The following ECE1 variants were observed in gnomAD, a reference collection of about 807,000 sequenced individuals.
The protein encoded by ECE1 is endothelin-converting enzyme 1.
Under a neutral mutation model 98.6 loss-of-function variants are expected in ECE1, and 35 were observed. That is an observed-to-expected ratio of 0.35 (90% CI 0.27 to 0.47). The LOEUF (loss-of-function observed/expected upper bound fraction) is 0.47, where lower values mean the gene tolerates loss of function less well. ECE1 is among the 20% of genes least tolerant of loss of function. ECE1 has a pLI of 1.00. For missense variants in ECE1, 814 were observed against 1,025.3 expected (o/e 0.79, Z 2.81); for synonymous variants, 394 against 407.1 (o/e 0.97, Z 0.39).
intron 1 of ECE1, among the ~76,000 whole-genome samples, chr1:21,330,226 CTTTTTTTTTTTTTTTT>C (rs71014186): frequency 4.4e-4 from 19 of 43,378 alleles, no homozygotes; most frequent in Non-Finnish European, 7.6e-4. Flanking sequence ...TCGCCAAATA[CTTTTTTTTTTTTTTTT>C]TTTTTTTTTT....
At chr1:21,239,964 A>G (rs1435391083) in intron 10 of ECE1, among the ~76,000 whole-genome samples, 1 of 152,092 alleles carries the variant, frequency 6.6e-6, no homozygotes, top group Non-Finnish European at 1.5e-5. Flanking sequence ...TGAGGTCAGG[A>G]GTTCAAGACC....
At chr1:21,306,378 C>T (rs1638598969) in intron 1 of ECE1, among the ~76,000 whole-genome samples, 1 of 151,206 alleles carries the variant, frequency 6.6e-6, no homozygotes, top group South Asian at 2.1e-4. Flanking sequence ...CTCTTGTTGC[C>T]CAGGCTGGAG....
Position 21,220,281 on chromosome 1 carries a change from GC to G in ECE1, c.2137-151del. 1 of 840,282 alleles carries G rather than the reference GC, an allele frequency of 1.2e-6. No homozygotes were observed. The highest frequency in any genetic ancestry group is 1.8e-6 in the Non-Finnish European group (1 of 555,280). 52.1% of individuals were successfully genotyped at this position (840,282 alleles called of 1,614,324 possible). ...GAGCCAAGGTGGAAGGGCTGCTTGA[GC>G]CCAGGAGTTCATGACCAGCTTGGGC... On this transcript the variant is annotated intron_variant, in intron 18 of 18. Coordinates refer to ENST00000374893, the MANE Select transcript of ECE1 (RefSeq NM_001397.3). The surrounding 1 kb of genome is among the most constrained non-coding windows in gnomAD (Gnocchi z 5.0).
At chr1:21,311,692 G>A (rs1300057316) in intron 1 of ECE1, among the ~76,000 whole-genome samples, 2 of 151,942 alleles carry the variant, frequency 1.3e-5, no homozygotes, top group African/African-American at 4.8e-5. Context: ...GTGCACATCT[G>A]TAGTCCCAGC....
intron 2 of ECE1, chr1:21,279,678 A>T: frequency 2.9e-6 from 4 of 1,401,078 alleles, no homozygotes; most frequent in Non-Finnish European, 3.7e-6. Context: ...ACTTGCAGGC[A>T]TCCAGTGAGT....
In ECE1 at chr1:21,345,260, A is replaced by G; in HGVS notation, c.3+116T>C. ...AGAGCCGGGCGGGGGCTGCTGCTGC[A>G]GCCGGCGCCCAGCCCCCCGCGAGCC... On this transcript the variant is annotated intron_variant, in intron 1 of 18. Transcript: ENST00000415912. This position sits in a 1 kb window ranked among gnomAD's most constrained non-coding sequence, Gnocchi z 5.1. The G allele has an allele frequency of 8.4e-7, 1 of 1,184,298 alleles. No homozygotes were observed. Among genetic ancestry groups the G allele is most frequent in the Non-Finnish European group, 1.0e-6 (1 of 958,422 alleles). 73.4% of individuals were successfully genotyped at this position (1,184,298 alleles called of 1,614,324 possible).
At chr1:21,269,547 T>G (rs943969161) in intron 4 of ECE1, among the ~76,000 whole-genome samples, 2 of 152,226 alleles carry the variant, frequency 1.3e-5, no homozygotes, top group Non-Finnish European at 2.9e-5. Context: ...GGGTGACCTC[T>G]CTGCAGTCAT....
intron 1 of ECE1, among the ~76,000 whole-genome samples, chr1:21,320,376 G>A (rs1376349500): frequency 9.9e-5 from 15 of 152,254 alleles, no homozygotes; most frequent in Admixed American, 7.8e-4. Context: ...CGCTAAGCAC[G>A]TTGCCTGCAG....
intron 8 of ECE1, among the ~76,000 whole-genome samples, chr1:21,249,105 G>A (rs1485168806): frequency 6.6e-6 from 1 of 152,106 alleles, no homozygotes; most frequent in Admixed American, 6.5e-5. Context: ...CCCTTTGGAA[G>A]GCCGAGGCCA....
In ECE1 at chr1:21,225,702, T is replaced by C. The variant is rs943638705; in HGVS notation, c.1850-262A>G. Among the ~76,000 whole-genome samples, 2 of 150,446 alleles carry C rather than the reference T, an allele frequency of 1.3e-5. No individual in the cohort carries two copies. The highest frequency in any genetic ancestry group is 4.9e-5 in the African/African-American group (2 of 41,088). On this transcript the variant is annotated intron_variant, in intron 16 of 18. Coordinates refer to ENST00000374893, the MANE Select transcript of ECE1 (RefSeq NM_001397.3). This position sits in a 1 kb window ranked among gnomAD's most constrained non-coding sequence, Gnocchi z 5.3. ...GCTTGCTTTGTTTTCTTTCTTTTTT[T>C]TTTTTTTTTGAGACAGTCTCACTCT...
rs761609623 is a variant in ECE1 at position 21,256,087 on chromosome 1, C to T, written c.880G>A (p.Gly294Ser). ...YMVQLGKLLG[G>S]GDEEAIRPQM... ...GGCCGGATGGCCTCCTCGTCCCCGC[C>T]GCCCAGCAGCTTCCCCAGCTGGACC... Residue 294 changes from glycine to serine, a missense_variant, in exon 8 of 19, where the codon GGC becomes AGC. Transcript: ENST00000374893. The T allele has an allele frequency of 6.2e-6, 10 of 1,609,470 alleles. No individual in the cohort carries two copies. The highest frequency in any genetic ancestry group is 2.2e-5 in the East Asian group (1 of 44,726).
chr1:21,318,526 C>G (rs569925726), intron 1 of ECE1, among the ~76,000 whole-genome samples: 1 of 152,176 alleles, frequency 6.6e-6, no homozygotes, highest in South Asian at 2.1e-4. Context: ...GACATTTCTC[C>G]GCTCTGGGCT....
At chr1:21,246,536 G>A (rs185299513) in intron 9 of ECE1, among the ~76,000 whole-genome samples, 7 of 150,392 alleles carry the variant, frequency 4.7e-5, no homozygotes, top group African/African-American at 1.2e-4. Flanking sequence ...AAAGAAAATC[G>A]TAAGTATTAA....
intron 16 of ECE1, among the ~76,000 whole-genome samples, chr1:21,226,159 A>G (rs769217381): frequency 4.6e-5 from 7 of 152,010 alleles, no homozygotes; most frequent in Non-Finnish European, 1.0e-4. Context: ...AATGAGGAGG[A>G]TTTTGGACAT....
chr1:21,231,115 A>T (rs1448555304), intron 14 of ECE1, among the ~76,000 whole-genome samples: 1 of 151,732 alleles, frequency 6.6e-6, no homozygotes, highest in Non-Finnish European at 1.5e-5. Context: ...GACGTGAGCC[A>T]CCGCGCCCAG....
At position 21,260,435 on chromosome 1, in the gene ECE1, C is replaced by A. The variant is rs745693042; in HGVS notation, c.494-43G>T. Reference sequence around the variant, plus strand: ...GGAGTTTGCAATGCGGCCCCACTTGCCCACTGGGTGGCTTTGGGGCAGTCC... The same window carrying A: ...GGAGTTTGCAATGCGGCCCCACTTGACCACTGGGTGGCTTTGGGGCAGTCC... On this transcript the variant is annotated intron_variant, in intron 4 of 18. Transcript: ENST00000374893. The surrounding 1 kb of genome is among the most constrained non-coding windows in gnomAD (Gnocchi z 4.3). 1.2e-6 allele frequency: 2 copies of A among 1,613,338 alleles called. No homozygotes were observed. The highest frequency in any genetic ancestry group is 1.1e-5 in the South Asian group (1 of 91,068).
intron 17 of ECE1, among the ~76,000 whole-genome samples, chr1:21,223,622 C>T (rs151213962): frequency 6.6e-5 from 10 of 152,262 alleles, no homozygotes; most frequent in East Asian, 1.9e-4. Context: ...CCTGCCACCA[C>T]GCCTGGCTAA....
chr1:21,282,590 A>G, intron 2 of ECE1, among the ~76,000 whole-genome samples: 1 of 147,676 alleles, frequency 6.8e-6, no homozygotes. Flanking sequence ...GCTGTCTTGA[A>G]AAAAAAAAAA....
Position 21,260,527 on chromosome 1 carries a change from T to C in ECE1, c.494-135A>G. 1 of 1,177,688 alleles carries C rather than the reference T, an allele frequency of 8.5e-7. No individual in the cohort carries two copies. Among genetic ancestry groups the C allele is most frequent in the Non-Finnish European group, 1.3e-6 (1 of 797,898 alleles). The allele number at this position is 1,177,688 out of a possible 1,614,324, so 73.0% of individuals were successfully genotyped here. A position where few individuals can be genotyped will look rare whatever the true frequency, so the allele number is the denominator to read the frequency against. ...TGACATCTGCCTGTCGGAGTGGCAG[T>C]GAGGAATGCCGTCACCGTGAGTATG... On this transcript the variant is annotated intron_variant, in intron 4 of 18. Transcript: ENST00000374893. This position sits in a 1 kb window ranked among gnomAD's most constrained non-coding sequence, Gnocchi z 4.3.
Sources: gnomAD v4.1 joint callset for allele counts (sites outside exome capture counted in the v4.1 genomes callset) on GRCh38, gnomAD v4.1.1 for gene constraint, Gnocchi (gnomAD v3.1) non-coding constraint, MANE v1.5 for transcripts, NCBI Gene and HGNC (gene_info 2026-07-23, HGNC 2026-07-21) for gene names.